EXOC4: variants seen among roughly 807,000 people sequenced by gnomAD.
EXOC4 encodes the protein exocyst complex component 4, also known as SEC8-like 1.
Under a neutral mutation model 107.2 loss-of-function variants are expected in EXOC4, and 71 were observed. That is an observed-to-expected ratio of 0.66 (90% CI 0.55 to 0.81). The LOEUF (loss-of-function observed/expected upper bound fraction) is 0.81, where lower values mean the gene tolerates loss of function less well. EXOC4 is among the 30% of genes least tolerant of loss of function. The pLI, the probability that EXOC4 is intolerant of heterozygous loss-of-function variation, is 0.00. For synonymous variants in EXOC4, 456 were observed against 441.2 expected (o/e 1.03, Z -0.42); for missense variants, 1,108 against 1,189.6 (o/e 0.93, Z 1.01).
intron 9 of EXOC4, among the ~76,000 whole-genome samples, chr7:133,608,381 T>G (rs1001932748): frequency 6.6e-6 from 1 of 152,032 alleles, no homozygotes; most frequent in African/African-American, 2.4e-5. Flanking sequence ...CATCAACTAC[T>G]GAACACTATT....
chr7:133,480,757 TAAG>T (rs971374402), intron 9 of EXOC4: 11 of 152,020 alleles, frequency 7.2e-5, no homozygotes, highest in African/African-American at 2.7e-4. Context: ...TGTAATGAGT[TAAG>T]AAAGGTTTGG....
chr7:133,777,829 G>A (rs569768535), intron 10 of EXOC4, among the ~76,000 whole-genome samples: 2 of 152,292 alleles, frequency 1.3e-5, no homozygotes, highest in Non-Finnish European at 2.9e-5. Flanking sequence ...TACATGTAAA[G>A]TTATTAGAAA....
At chr7:133,597,207 T>G (rs1016218297) in intron 9 of EXOC4, among the ~76,000 whole-genome samples, 8 of 152,310 alleles carry the variant, frequency 5.3e-5, no homozygotes, top group Non-Finnish European at 1.2e-4. Context: ...CCTTTCCCTT[T>G]CTTACTTACA....
At chr7:133,538,074 G>A (rs995980346) in intron 9 of EXOC4, among the ~76,000 whole-genome samples, 1 of 152,130 alleles carries the variant, frequency 6.6e-6, no homozygotes, top group Non-Finnish European at 1.5e-5. Flanking sequence ...AGGCAATTGA[G>A]TTCAGAGGTT....
intron 7 of EXOC4, among the ~76,000 whole-genome samples, chr7:133,465,410 A>G (rs991123333): frequency 6.6e-6 from 1 of 152,212 alleles, no homozygotes; most frequent in African/African-American, 2.4e-5. Context: ...GGAAAAATTG[A>G]CTGAAAGGAG....
chr7:133,334,046 G>T (rs960668357), intron 5 of EXOC4, among the ~76,000 whole-genome samples: 8 of 152,026 alleles, frequency 5.3e-5, no homozygotes, highest in Non-Finnish European at 1.2e-4. Context: ...CTCACTTATG[G>T]TTATGTTATT....
At chr7:134,067,237 T>C (rs144913579), downstream of EXOC4, among the ~76,000 whole-genome samples, 1 of 151,918 alleles carries the variant, frequency 6.6e-6, no homozygotes, top group East Asian at 1.9e-4. Context: ...TTTCTCATTC[T>C]TATACAGAGG....
chr7:133,263,899 C>T (rs926066892), intron 1 of EXOC4, among the ~76,000 whole-genome samples: 2 of 152,116 alleles, frequency 1.3e-5, no homozygotes, highest in African/African-American at 4.8e-5. Flanking sequence ...ATTAAAGTGT[C>T]CCTGATTTCT....
intron 10 of EXOC4, among the ~76,000 whole-genome samples, chr7:133,764,385 T>C (rs573462590): frequency 1.5e-3 from 233 of 152,190 alleles, no homozygotes; most frequent in Admixed American, 2.8e-3. Context: ...TCCTTTCTCT[T>C]CCAGGACGAG....
intron 14 of EXOC4, among the ~76,000 whole-genome samples, chr7:133,973,026 C>G (rs1801277865): frequency 6.6e-6 from 1 of 152,098 alleles, no homozygotes; most frequent in Admixed American, 6.6e-5. Flanking sequence ...CAGTGGTGCA[C>G]TATCTTATGA....
intron 14 of EXOC4, among the ~76,000 whole-genome samples, chr7:133,973,180 C>T (rs571102703): frequency 2.8e-4 from 42 of 152,108 alleles, no homozygotes; most frequent in African/African-American, 9.9e-4. Context: ...GTTTAAAAGT[C>T]GTGGAAAATA....
At chr7:133,722,536 A>T (rs2151107906) in intron 10 of EXOC4, among the ~76,000 whole-genome samples, 1 of 152,330 alleles carries the variant, frequency 6.6e-6, no homozygotes, top group South Asian at 2.1e-4. Context: ...ATCAGTAGCC[A>T]ATTTGGAAAT....
At chr7:133,932,753 C>T (rs115835822) in intron 13 of EXOC4, among the ~76,000 whole-genome samples, 1,628 of 152,214 alleles carry the variant, frequency 0.011, 36 homozygotes, top group African/African-American at 0.037. Context: ...TGTCAATAGT[C>T]TTGGCCATTT....
At chr7:133,530,019 A>G (rs1001662053) in intron 9 of EXOC4, among the ~76,000 whole-genome samples, 3 of 152,156 alleles carry the variant, frequency 2.0e-5, no homozygotes, top group Admixed American at 6.5e-5. Flanking sequence ...GTGAGAGTAG[A>G]TGTGGAAAAT....
downstream of EXOC4, among the ~76,000 whole-genome samples, chr7:134,071,392 C>A (rs369532589): frequency 1.3e-5 from 2 of 152,188 alleles, no homozygotes; most frequent in East Asian, 1.9e-4. Flanking sequence ...AGGAAGCCAG[C>A]AAACTGAGAA....
rs534187744 is a variant in EXOC4 at position 133,454,445 on chromosome 7, C to T, written c.1183-20883C>T. On this transcript the variant is annotated intron_variant, in intron 7 of 17. Transcript: ENST00000253861. The stretch of plus-strand genomic sequence containing the variant: ...CCAAGTAGCTGGGATTACAGTTGTG[C>T]GCCACCATGCCTGGCTGGTTTTTGT... Among the ~76,000 whole-genome samples the T allele has an allele frequency of 3.3e-5, 5 of 152,136 alleles. No individual in the cohort carries two copies. The South Asian group carries it at 6.2e-4, about 19-fold the overall frequency.
At chr7:133,884,163 G>T (rs1052341978) in intron 11 of EXOC4, among the ~76,000 whole-genome samples, 1 of 152,252 alleles carries the variant, frequency 6.6e-6, no homozygotes. Flanking sequence ...AATAGGAAAG[G>T]CACCAGGTTC....
intron 7 of EXOC4, among the ~76,000 whole-genome samples, chr7:133,428,247 A>G (rs145246427): frequency 6.6e-6 from 1 of 152,346 alleles, no homozygotes; most frequent in East Asian, 1.9e-4. Flanking sequence ...TGTCTTGTGT[A>G]GTCGAATGTA....
At chr7:133,421,770 A>G (rs541092548) in intron 7 of EXOC4, among the ~76,000 whole-genome samples, 1 of 152,320 alleles carries the variant, frequency 6.6e-6, no homozygotes, top group African/African-American at 2.4e-5. Context: ...AAAAATTTTT[A>G]AAAATCTCCT....
Sources: gnomAD v4.1 joint callset for allele counts (sites outside exome capture counted in the v4.1 genomes callset) on GRCh38, gnomAD v4.1.1 for gene constraint, MANE v1.5 for transcripts, NCBI Gene and HGNC (gene_info 2026-07-23, HGNC 2026-07-21) for gene names.